The following WDR36 variants were observed in gnomAD, a reference collection of about 807,000 sequenced individuals.
WDR36 encodes WD repeat domain 36.
Under a neutral mutation model 112.7 loss-of-function variants are expected in WDR36, and 63 were observed. The observed-to-expected ratio is 0.56, with a 90% CI of 0.46 to 0.69. WDR36 has a LOEUF of 0.69. Ranked by LOEUF, WDR36 falls within the 30% of genes least tolerant of loss-of-function variation. WDR36 has a pLI of 0.00. For synonymous variants in WDR36, 410 were observed against 362.2 expected (o/e 1.13, Z -1.50); for missense variants, 1,226 against 1,070.3 (o/e 1.15, Z -2.03).
chr5:111,118,724 G>A (rs1036503079), intron 16 of WDR36, among the ~76,000 whole-genome samples: 5 of 151,780 alleles, frequency 3.3e-5, no homozygotes, highest in Non-Finnish European at 5.9e-5. Context: ...TTTAGTATTC[G>A]AGAAAAACAG....
rs1420936227 is a variant in WDR36 at position 111,092,367 on chromosome 5, C to T, written c.-90C>T. 2 of 1,614,228 alleles carry T rather than the reference C, an allele frequency of 1.2e-6. No homozygotes were observed. Among genetic ancestry groups the T allele is most frequent in the South Asian group, 1.1e-5 (1 of 91,086 alleles). ...AGCGGTGTTGTGTCTGCAGCTCTGGCAGAGGACTGTTCCACTAGACACGCT... is the reference window on the plus strand; with the variant it reads ...AGCGGTGTTGTGTCTGCAGCTCTGGTAGAGGACTGTTCCACTAGACACGCT... On this transcript the variant is annotated 5_prime_UTR_variant, in exon 1 of 23. Coordinates refer to ENST00000513710, the MANE Select transcript of WDR36 (RefSeq NM_139281.3).
At chr5:111,109,287 G>T (rs1035184422) in intron 12 of WDR36, among the ~76,000 whole-genome samples, 6 of 151,306 alleles carry the variant, frequency 4.0e-5, no homozygotes, top group African/African-American at 1.5e-4. Flanking sequence ...CATTTAGGAA[G>T]ATAAAATGCT....
chr5:111,095,420 T>C (rs997822668), intron 2 of WDR36, among the ~76,000 whole-genome samples: 1 of 152,196 alleles, frequency 6.6e-6, no homozygotes, highest in African/African-American at 2.4e-5. Context: ...CTTTTGGTAG[T>C]ATGCACTGGG....
chr5:111,102,472 T>C, intron 6 of WDR36, 73 bp downstream of exon 6: 1 of 1,437,930 alleles, frequency 7.0e-7, no homozygotes, highest in South Asian at 1.2e-5. Context: ...GAATCAATCA[T>C]AATTTTAGAC....
intron 4 of WDR36, among the ~76,000 whole-genome samples, 169 bp downstream of exon 4, chr5:111,099,008 T>C (rs1157402598): frequency 6.6e-6 from 1 of 152,174 alleles, no homozygotes; most frequent in Admixed American, 6.5e-5. Flanking sequence ...AAGAAAGAGA[T>C]AAACAACTTT....
At chr5:111,102,290 T>A in intron 5 of WDR36, 55 bp from the exon 6 acceptor site, 1 of 1,383,258 alleles carries the variant, frequency 7.2e-7, no homozygotes, top group African/African-American at 1.4e-5. Flanking sequence ...GTAGCTGATA[T>A]TGTTTTCCTC....
rs1752944850 is a variant in WDR36 at position 111,094,933 on chromosome 5, G to C, written c.176G>C (p.Ser59Thr). 1 of 1,606,494 alleles carries C rather than the reference G, an allele frequency of 6.2e-7. No individual in the cohort carries two copies. Among genetic ancestry groups the C allele is most frequent in the Non-Finnish European group, 8.5e-7 (1 of 1,175,366 alleles). The change falls in exon 2 of 23, where the codon AGT (serine) becomes ACT (threonine). Residue 59 changes from serine to threonine, a missense_variant. Ser to Thr is a moderately conservative substitution (Grantham distance 58). Transcript: ENST00000513710. ...SFHTYDVQKL[S>T]LVAVSNSVPQ... ...TTTTTTAAACAGGTTCAGAAACTTAGTCTGGTTGCAGTAAGTAAGTATGGA... is the reference window on the plus strand; with the variant it reads ...TTTTTTAAACAGGTTCAGAAACTTACTCTGGTTGCAGTAAGTAAGTATGGA...
chr5:111,108,703 G>A (rs1359553611), intron 12 of WDR36, among the ~76,000 whole-genome samples: 2 of 151,274 alleles, frequency 1.3e-5, no homozygotes, highest in Non-Finnish European at 3.0e-5. Flanking sequence ...CTACAGCATG[G>A]TACATTGGTT....
At chr5:111,124,942 C>T (rs930335384) in intron 21 of WDR36, among the ~76,000 whole-genome samples, 2 of 152,128 alleles carry the variant, frequency 1.3e-5, no homozygotes, top group Non-Finnish European at 2.9e-5. Flanking sequence ...AGACTTTTGT[C>T]ATTGGTGATA....
Position 111,120,582 on chromosome 5 carries a change from G to T in WDR36, c.1991G>T (p.Cys664Phe). The change falls in exon 18 of 23, where the codon TGT (cysteine) becomes TTT (phenylalanine). Residue 664 changes from cysteine (C) to phenylalanine (F), a missense_variant. Physicochemically the swap from Cys to Phe is radical, Grantham distance 205 (BLOSUM62 -2). Coordinates refer to ENST00000513710, the MANE Select transcript of WDR36 (RefSeq NM_139281.3). ...VPSIVMLPGT[C>F]QTQDVEVSEE... is the part of the protein sequence containing the mutation. ...TCAATAGTCATGCTTCCTGGTACTTGTCAAACCCAAGGTAATTAGAAAATT... is the reference window on the plus strand; with the variant it reads ...TCAATAGTCATGCTTCCTGGTACTTTTCAAACCCAAGGTAATTAGAAAATT... 1 of 1,611,572 alleles carries T rather than the reference G, an allele frequency of 6.2e-7. No homozygotes were observed. Among genetic ancestry groups the T allele is most frequent in the Non-Finnish European group, 8.5e-7 (1 of 1,178,096 alleles).
chr5:111,112,237 G>A (rs973911698), intron 15 of WDR36, among the ~76,000 whole-genome samples: 6 of 151,844 alleles, frequency 4.0e-5, no homozygotes, highest in Non-Finnish European at 2.9e-5. Context: ...TGTATATCTC[G>A]AGTTTCCCTG....
Position 111,104,264 on chromosome 5 carries a change from G to C in WDR36, c.818G>C (p.Arg273Thr), listed in dbSNP as rs1580394435. 6.2e-7 allele frequency: 1 copy of C among 1,612,024 alleles called. No homozygotes were observed. The highest frequency in any genetic ancestry group is 1.3e-5 in the African/African-American group (1 of 74,880). The part of the protein sequence containing the change: ...LEDKKLINQM[R>T]NAHSTAIAGL... ...GACAAAAAATTAATCAACCAAATGAGAAATGCACACTCTACAGCAATTGCC... is the reference window on the plus strand; with the variant it reads ...GACAAAAAATTAATCAACCAAATGACAAATGCACACTCTACAGCAATTGCC... Residue 273 changes from arginine to threonine, a missense_variant, in exon 8 of 23, where the codon AGA becomes ACA. By Grantham distance (71) the Arg-to-Thr change is moderately conservative (BLOSUM62 -1). Coordinates refer to ENST00000513710, the MANE Select transcript of WDR36 (RefSeq NM_139281.3).
At chr5:111,093,042 C>T (rs1752900795) in intron 1 of WDR36, among the ~76,000 whole-genome samples, 1 of 152,152 alleles carries the variant, frequency 6.6e-6, no homozygotes, top group South Asian at 2.1e-4. Flanking sequence ...TTGGGAGAAC[C>T]GGAGATGGTG....
chr5:111,094,814 A>G lies in WDR36; in HGVS notation c.163-106A>G, dbSNP rs530608085. 123 of 903,222 alleles carry G rather than the reference A, an allele frequency of 1.4e-4. 1 individual carries two copies. In the African/African-American group the frequency reaches 1.9e-3, roughly 14 times the overall value. The allele number at this position is 903,222 out of a possible 1,614,324, so 56.0% of individuals were successfully genotyped here. A position where few individuals can be genotyped will look rare whatever the true frequency, so the allele number is the denominator to read the frequency against. On this transcript the variant is annotated intron_variant, in intron 1 of 22. Coordinates refer to ENST00000513710, the MANE Select transcript of WDR36 (RefSeq NM_139281.3). ...TCAGTAAGTGTCTTTCTTATGAAGG[A>G]CAGCATAGCAAATATACGTATGAGG... is the stretch of plus-strand genomic sequence containing the variant.
intron 1 of WDR36, among the ~76,000 whole-genome samples, chr5:111,093,597 G>A (rs1349830552): frequency 2.0e-5 from 3 of 152,316 alleles, no homozygotes; most frequent in South Asian, 2.1e-4. Context: ...AAAGTATTTA[G>A]TGTTACCATT....
In WDR36 at chr5:111,098,678, G is replaced by T; in HGVS notation, c.292-44G>T. On this transcript the variant is annotated intron_variant, in intron 3 of 22. Coordinates refer to ENST00000513710, the MANE Select transcript of WDR36 (RefSeq NM_139281.3). ...GATAATATGAATAATATGACATGATGACTGAGTAATAATATGAAATTCTTT... is the reference window on the plus strand; with the variant it reads ...GATAATATGAATAATATGACATGATTACTGAGTAATAATATGAAATTCTTT... The T allele has an allele frequency of 2.5e-6, 3 of 1,209,470 alleles. No individual in the cohort carries two copies. The South Asian group carries it at 3.6e-5, about 15-fold the overall frequency. The allele number at this position is 1,209,470 out of a possible 1,614,324, so 74.9% of individuals were successfully genotyped here.
chr5:111,100,937 T>C (rs1753109759), intron 5 of WDR36, among the ~76,000 whole-genome samples: 1 of 151,930 alleles, frequency 6.6e-6, no homozygotes, highest in African/African-American at 2.4e-5. Context: ...CAATAAAACA[T>C]CACATTTTAA....
intron 17 of WDR36, 111 bp from the exon 18 acceptor site, chr5:111,120,385 A>C (rs1372662958): frequency 1.2e-6 from 1 of 829,070 alleles, no homozygotes; most frequent in Non-Finnish European, 2.0e-6. Flanking sequence ...TCTATCTTTG[A>C]GGTATTTTTT....
At chr5:111,093,833 A>G (rs999896650) in intron 1 of WDR36, among the ~76,000 whole-genome samples, 1 of 152,226 alleles carries the variant, frequency 6.6e-6, no homozygotes, top group Admixed American at 6.5e-5. Context: ...TACATTTTAT[A>G]AAGTTAACAA....
Sources: gnomAD v4.1 joint callset for allele counts (sites outside exome capture counted in the v4.1 genomes callset) on GRCh38, gnomAD v4.1.1 for gene constraint, MANE v1.5 for transcripts, NCBI Gene and HGNC (gene_info 2026-07-23, HGNC 2026-07-21) for gene names.